Variants in PUM1 observed in about 807,000 individuals in gnomAD.
The protein encoded by PUM1 is pumilio homolog 1.
A neutral mutation model predicts 131.8 loss-of-function variants in PUM1; 13 were observed. The observed-to-expected ratio is 0.10, with a 90% CI of 0.06 to 0.16. The LOEUF (loss-of-function observed/expected upper bound fraction) is 0.16, where lower values mean the gene tolerates loss of function less well. PUM1 is among the 10% of genes least tolerant of loss of function. PUM1 has a pLI of 1.00. For synonymous variants in PUM1, 509 were observed against 556.5 expected, an observed-to-expected ratio of 0.91 and a Z score of 1.20; for missense variants, 961 against 1,512.4, an observed-to-expected ratio of 0.64 and a Z score of 6.05.
intron 5 of PUM1, among the ~76,000 whole-genome samples, chr1:31,001,972 G>A (rs947250575): frequency 3.9e-5 from 6 of 152,184 alleles, no homozygotes; most frequent in African/African-American, 9.7e-5. Flanking sequence ...GAGATTCTGC[G>A]TTTCTGATAA....
chr1:31,059,690 G>C (rs1182101188), intron 1 of PUM1, 113 bp from the exon 2 acceptor site: 2 of 1,271,636 alleles, frequency 1.6e-6, no homozygotes, highest in Non-Finnish European at 1.1e-6. Context: ...GTCGTTGGTG[G>C]CATGCACTCT....
intron 2 of PUM1, among the ~76,000 whole-genome samples, chr1:31,057,105 G>A (rs4949337): frequency 6.6e-6 from 1 of 152,020 alleles, no homozygotes; most frequent in Non-Finnish European, 1.5e-5. Context: ...TCTTTGTTTC[G>A]ACTATAGTAA....
chr1:31,034,776 T>C (rs985415314), intron 2 of PUM1, among the ~76,000 whole-genome samples: 8 of 152,188 alleles, frequency 5.3e-5, no homozygotes, highest in Admixed American at 4.6e-4. Flanking sequence ...GCTCTTCATC[T>C]CCACACCTAC....
At chr1:31,028,886 G>A (rs757258502) in intron 2 of PUM1, 22 bp from the exon 3 acceptor site, 7 of 1,596,798 alleles carry the variant, frequency 4.4e-6, no homozygotes, top group Non-Finnish European at 3.4e-6. Context: ...AATAGAGAAG[G>A]AAAAATCTTC....
intron 3 of PUM1, among the ~76,000 whole-genome samples, chr1:31,017,134 A>G (rs1045383826): frequency 6.6e-6 from 1 of 152,206 alleles, no homozygotes; most frequent in Non-Finnish European, 1.5e-5. Flanking sequence ...ACTTGCACAC[A>G]CCCTAAAATG....
At chr1:30,982,697 G>T (rs1269195157) in intron 7 of PUM1, among the ~76,000 whole-genome samples, 2 of 152,170 alleles carry the variant, frequency 1.3e-5, no homozygotes, top group African/African-American at 4.8e-5. Context: ...CTTAATTATT[G>T]TCATGACTGG....
chr1:30,948,942 TCCAGA>T (rs1381676377), intron 17 of PUM1, among the ~76,000 whole-genome samples: 1 of 152,204 alleles, frequency 6.6e-6, no homozygotes, highest in East Asian at 1.9e-4. Context: ...ATAAATGAAC[TCCAGA>T]CCTGCTCTAT....
intron 2 of PUM1, among the ~76,000 whole-genome samples, chr1:31,048,070 C>G (rs1250250040): frequency 1.3e-5 from 2 of 151,750 alleles, no homozygotes; most frequent in African/African-American, 4.8e-5. Flanking sequence ...GAAACCCCAT[C>G]TCTACTAAAA....
At chr1:30,936,870 A>G (rs760060759) in intron 20 of PUM1, 35 bp from the exon 21 acceptor site, 17 of 1,525,906 alleles carry the variant, frequency 1.1e-5, no homozygotes, top group Non-Finnish European at 1.5e-5. Context: ...AACTCTTACA[A>G]GAGAGGCCCC....
intron 3 of PUM1, among the ~76,000 whole-genome samples, chr1:31,007,873 C>T (rs937550037): frequency 1.3e-5 from 2 of 152,196 alleles, no homozygotes; most frequent in African/African-American, 2.4e-5. Flanking sequence ...AGACACAGTA[C>T]AGTTTTGCAT....
intron 5 of PUM1, among the ~76,000 whole-genome samples, chr1:31,005,541 T>C (rs905008584): frequency 2.6e-5 from 4 of 152,174 alleles, no homozygotes; most frequent in African/African-American, 9.7e-5. Flanking sequence ...TTTGCTTTTA[T>C]TTTAAAGTAA....
At chr1:30,980,553 T>C (rs535643461) in intron 8 of PUM1, among the ~76,000 whole-genome samples, 1 of 152,318 alleles carries the variant, frequency 6.6e-6, no homozygotes, top group Non-Finnish European at 1.5e-5. Context: ...AAATAAAATG[T>C]ATGGGTATTT....
chr1:30,992,748 T>C (rs1024478453), intron 6 of PUM1, 88 bp from the exon 7 acceptor site: 6 of 1,093,026 alleles, frequency 5.5e-6, no homozygotes, highest in South Asian at 3.0e-5. Flanking sequence ...GTCCTCAACA[T>C]AGCTCATTAT....
Position 30,964,905 on chromosome 1 carries a change from T to C in PUM1, c.2092A>G (p.Asn698Asp). ...CGGGAGCCACTGCCAGTGTTGGAGTTTGCAACTAAAATGGAATTAAAACAA... is the reference window on the plus strand; with the variant it reads ...CGGGAGCCACTGCCAGTGTTGGAGTCTGCAACTAAAATGGAATTAAAACAA... ...ALGGFGTAVA[N>D]SNTGSGSRRD... The change falls in exon 14 of 22, where the codon AAC (asparagine) becomes GAC (aspartate). Residue 698 changes from asparagine to aspartate, a missense_variant. Transcript: ENST00000426105. The C allele has an allele frequency of 6.2e-7, 1 of 1,613,950 alleles. No homozygotes were observed. The highest frequency in any genetic ancestry group is 8.5e-7 in the Non-Finnish European group (1 of 1,179,850).
intron 3 of PUM1, among the ~76,000 whole-genome samples, chr1:31,023,922 C>G (rs1021790289): frequency 2.1e-5 from 2 of 94,650 alleles, no homozygotes; most frequent in Non-Finnish European, 3.7e-5. Context: ...GAGACTCTGT[C>G]TCAAAAAAAA....
chr1:31,009,782 A>AAAAAAAAAAAAAAAAAAAAAAC (rs375044466), intron 3 of PUM1, among the ~76,000 whole-genome samples: 1 of 125,368 alleles, frequency 8.0e-6, no homozygotes, highest in African/African-American at 3.3e-5. Flanking sequence ...AAAAAAAAAA[A>AAAAAAAAAAAAAAAAAAAAAAC]AAAAACAAAA....
At position 31,028,814 on chromosome 1, in the gene PUM1, C is replaced by T. The variant is rs930170403; in HGVS notation, c.414G>A (p.Glu138=). ...CACTTACCTCTCCCATCGCTCTTCCCTCCAGAGCAAGTGCTTGAAAATCAT... is the reference window on the plus strand; with the variant it reads ...CACTTACCTCTCCCATCGCTCTTCCTTCCAGAGCAAGTGCTTGAAAATCAT... The part of the protein sequence containing the change: ...LNHDFQALAL[E]GRAMGEQLLP... The change falls in exon 3 of 22, where the codon GAG becomes GAA. Residue 138 remains glutamate, a synonymous_variant. Transcript: ENST00000426105. The T allele has an allele frequency of 1.2e-6, 2 of 1,613,876 alleles. No homozygotes were observed. The highest frequency in any genetic ancestry group is 1.3e-5 in the African/African-American group (1 of 75,034).
At chr1:31,047,729 G>A (rs1281519515) in intron 2 of PUM1, among the ~76,000 whole-genome samples, 2 of 152,114 alleles carry the variant, frequency 1.3e-5, no homozygotes, top group South Asian at 4.1e-4. Flanking sequence ...GATCACCTGA[G>A]GTCACGTGTT....
rs886257745 is a variant in PUM1, at chr1:30,932,775, G to C, written c.*436C>G. 1.3e-5 allele frequency: 2 copies of C among 150,620 alleles called. No homozygotes were observed. The highest frequency in any genetic ancestry group is 4.9e-5 in the African/African-American group (2 of 41,020). The allele number at this position is 150,620 out of a possible 1,614,324, so 9.3% of individuals were successfully genotyped here. A position where few individuals can be genotyped will look rare whatever the true frequency, so the allele number is the denominator to read the frequency against. On this transcript the variant is annotated 3_prime_UTR_variant, in exon 22 of 22. Transcript: ENST00000426105. ...TTTACTAAAATGAGGAGGTGGGGAA[G>C]AGCTATTTGCAAAACTTGCCGGCCA...
Sources: gnomAD v4.1 joint callset for allele counts (sites outside exome capture counted in the v4.1 genomes callset) on GRCh38, gnomAD v4.1.1 for gene constraint, MANE v1.5 for transcripts, NCBI Gene and HGNC (gene_info 2026-07-23, HGNC 2026-07-21) for gene names.